Variants in PIKFYVE observed in about 807,000 individuals in gnomAD.
The protein encoded by PIKFYVE is phosphoinositide kinase, FYVE-type zinc finger containing, also known as 1-phosphatidylinositol 3-phosphate 5-kinase.
PIKFYVE carries 122 observed loss-of-function variants against 257.9 expected under a neutral mutation model. The ratio of observed to expected loss-of-function variants is 0.47; its 90% CI spans 0.41 to 0.55. PIKFYVE has a LOEUF of 0.55. PIKFYVE is among the 20% of genes least tolerant of loss of function. PIKFYVE has a pLI of 0.00. For missense variants in PIKFYVE, 2,160 were observed against 2,536.6 expected (o/e 0.85, Z 3.19); for synonymous variants, 892 against 868.9 (o/e 1.03, Z -0.47).
At position 208,302,389 on chromosome 2, in the gene PIKFYVE, C is replaced by G. The variant is rs750174122; in HGVS notation, c.1320+36C>G. 13 of 1,514,936 alleles carry G rather than the reference C, an allele frequency of 8.6e-6. No individual in the cohort carries two copies. The Admixed American group carries it at 1.8e-4, about 21-fold the overall frequency. The allele number at this position is 1,514,936 out of a possible 1,614,324, so 93.8% of individuals were successfully genotyped here. On this transcript the variant is annotated intron_variant, in intron 10 of 41. Coordinates refer to ENST00000264380, the MANE Select transcript of PIKFYVE (RefSeq NM_015040.4). ...GTGTTTACTGCCAATTAGAATGTAG[C>G]AAGCTTATTTTATAGTCTTTCTTCA... is the stretch of plus-strand genomic sequence containing the variant.
At chr2:208,274,809 TG>T (rs113401295) in intron 3 of PIKFYVE, among the ~76,000 whole-genome samples, 21,664 of 152,226 alleles carry the variant, frequency 0.14, 1,651 homozygotes, top group African/African-American at 0.18. Flanking sequence ...CTCTTGAATC[TG>T]ACTCACAACA....
chr2:208,357,215 G>A lies in PIKFYVE; in HGVS notation c.*1910G>A, dbSNP rs1700208348. On this transcript the variant is annotated 3_prime_UTR_variant, in exon 42 of 42. Transcript: ENST00000264380. ...ATGTGGAACATTATTAACTTACTTT[G>A]TGTCTAGGAACAATGGATTTTGTAT... The A allele has an allele frequency of 6.6e-6, 1 of 152,180 alleles. No homozygotes were observed. The highest frequency in any genetic ancestry group is 1.5e-5 in the Non-Finnish European group (1 of 68,020). The allele number at this position is 152,180 out of a possible 1,614,324, so 9.4% of individuals were successfully genotyped here. A position where few individuals can be genotyped will look rare whatever the true frequency, so the allele number is the denominator to read the frequency against.
At position 208,325,271 on chromosome 2, in the gene PIKFYVE, A is replaced by G; in HGVS notation, c.2460A>G (p.Glu820=). 1 of 1,613,554 alleles carries G rather than the reference A, an allele frequency of 6.2e-7. No homozygotes were observed. Among genetic ancestry groups the G allele is most frequent in the Non-Finnish European group, 8.5e-7 (1 of 1,179,744 alleles). The change falls in exon 20 of 42, where the codon GAA becomes GAG. Residue 820 remains glutamate, a splice_region_variant and synonymous_variant. Transcript: ENST00000264380. ...CTTTCTGTTTGTTTTTGTTTGTAGA[A>G]CAAACCAAGACACTGATGTTTTTTG... ...FYMQIFQLPN[E]QTKTLMFFEG... is the part of the protein sequence containing the mutation.
intron 12 of PIKFYVE, among the ~76,000 whole-genome samples, chr2:208,309,189 A>C (rs1314154881): frequency 2.0e-5 from 3 of 152,148 alleles, no homozygotes; most frequent in African/African-American, 7.2e-5. Flanking sequence ...TAGGTCCACA[A>C]ATAATTAAAA....
chr2:208,339,631 C>G (rs1698518615), intron 30 of PIKFYVE, 76 bp downstream of exon 30: 2 of 1,544,166 alleles, frequency 1.3e-6, no homozygotes. Flanking sequence ...ACATGAATTA[C>G]AGCCATTTCT....
chr2:208,351,704 T>G (rs879476982), intron 38 of PIKFYVE, among the ~76,000 whole-genome samples: 3 of 152,084 alleles, frequency 2.0e-5, no homozygotes, highest in Non-Finnish European at 4.4e-5. Context: ...GGAGCCAGCA[T>G]GTCACATGGT....
At chr2:208,347,479 A>G (rs1699336038) in intron 34 of PIKFYVE, among the ~76,000 whole-genome samples, 1 of 152,200 alleles carries the variant, frequency 6.6e-6, no homozygotes. Flanking sequence ...TTAGTTAACT[A>G]TATTGCAATA....
At position 208,298,726 on chromosome 2, in the gene PIKFYVE, A is replaced by G; in HGVS notation, c.997A>G (p.Asn333Asp). 6.2e-7 allele frequency: 1 copy of G among 1,614,174 alleles called. No homozygotes were observed. Among genetic ancestry groups the G allele is most frequent in the African/African-American group, 1.3e-5 (1 of 75,066 alleles). Residue 333 changes from asparagine (N) to aspartate (D), a missense_variant, in exon 8 of 42, where the codon AAC becomes GAC. Physicochemically the swap from Asn to Asp is conservative, Grantham distance 23. This residue lies in a region of PIKFYVE where 187 missense variants were observed against 185.6 expected (regional missense o/e 1.01). Coordinates refer to ENST00000264380, the MANE Select transcript of PIKFYVE (RefSeq NM_015040.4). Reference protein sequence around the residue: ...SYETSVSPQANRTYVRTETTE... With the variant: ...SYETSVSPQADRTYVRTETTE... ...TGAGACATCTGTCAGTCCCCAGGCT[A>G]ACCGAACATATGTTAGGACAGAGAC...
At chr2:208,309,352 A>T (rs561931662) in intron 12 of PIKFYVE, among the ~76,000 whole-genome samples, 2 of 152,314 alleles carry the variant, frequency 1.3e-5, no homozygotes, top group African/African-American at 4.8e-5. Context: ...TACTTTGGAG[A>T]AAGTCACTCT....
In PIKFYVE at chr2:208,355,253, A is replaced by G. The variant is rs572523068; in HGVS notation, c.6245A>G (p.Lys2082Arg). The change falls in exon 42 of 42, where the codon AAG (lysine) becomes AGG (arginine). Residue 2082 changes from lysine to arginine, a missense_variant. By Grantham distance (26) the Lys-to-Arg change is conservative (BLOSUM62 2). Coordinates refer to ENST00000264380, the MANE Select transcript of PIKFYVE (RefSeq NM_015040.4). ...ACTAGGTTTTGTGAGGCAATGGACA[A>G]GTATTTCCTAATGGTACCAGACCAC... ...YRTRFCEAMD[K>R]YFLMVPDHWT... 1.2e-6 allele frequency: 2 copies of G among 1,614,120 alleles called. No homozygotes were observed. Among genetic ancestry groups the G allele is most frequent in the Admixed American group, 1.7e-5 (1 of 60,028 alleles).
chr2:208,301,008 C>T lies in PIKFYVE; in HGVS notation c.1122C>T (p.His374=). Residue 374 remains histidine, a synonymous_variant, in exon 9 of 42, where the codon CAC becomes CAT. Coordinates refer to ENST00000264380, the MANE Select transcript of PIKFYVE (RefSeq NM_015040.4). ...GCAGTGGAATGGAGTTTCAGGATCA[C>T]CGCTACTGGTTGAGAACGCATCCCA... The part of the protein sequence containing the change: ...HHSSGMEFQD[H]RYWLRTHPNC... The T allele has an allele frequency of 6.2e-7, 1 of 1,614,122 alleles. No homozygotes were observed. The highest frequency in any genetic ancestry group is 8.5e-7 in the Non-Finnish European group (1 of 1,180,006).
chr2:208,278,749 T>TA (rs907737746), intron 5 of PIKFYVE, among the ~76,000 whole-genome samples: 1 of 152,206 alleles, frequency 6.6e-6, no homozygotes, highest in African/African-American at 2.4e-5. Context: ...GTTCTTTTTT[T>TA]ATGGCTGCAT....
At chr2:208,318,917 G>T (rs11692460) in intron 16 of PIKFYVE, among the ~76,000 whole-genome samples, 1 of 148,950 alleles carries the variant, frequency 6.7e-6, no homozygotes, top group African/African-American at 2.5e-5. Context: ...CGCCACTGCA[G>T]TGCAGTCTGG....
chr2:208,355,933 T>C lies in PIKFYVE; in HGVS notation c.*628T>C, dbSNP rs1700135049. ...GAGTATGTTTGATGTTTTTAAAATT[T>C]TGTCTTCTCTGTGGAAGACAGGAGG... On this transcript the variant is annotated 3_prime_UTR_variant, in exon 42 of 42. Transcript: ENST00000264380. The C allele has an allele frequency of 6.5e-6, 1 of 152,678 alleles. No individual in the cohort carries two copies. Among genetic ancestry groups the C allele is most frequent in the Admixed American group, 6.5e-5 (1 of 15,292 alleles). 9.5% of individuals were successfully genotyped at this position (152,678 alleles called of 1,614,324 possible).
intron 16 of PIKFYVE, among the ~76,000 whole-genome samples, chr2:208,319,508 T>G (rs1341194544): frequency 6.6e-6 from 1 of 152,200 alleles, no homozygotes; most frequent in Non-Finnish European, 1.5e-5. Context: ...TATGCATGAA[T>G]GACTGTCTTG....
chr2:208,302,807 C>A (rs1037072370), intron 10 of PIKFYVE, among the ~76,000 whole-genome samples: 1 of 152,012 alleles, frequency 6.6e-6, no homozygotes, highest in Admixed American at 6.6e-5. Context: ...TGGCTGGGTA[C>A]GGTGGCTCAC....
At chr2:208,337,814 C>T (rs929786747) in intron 28 of PIKFYVE, among the ~76,000 whole-genome samples, 3 of 152,018 alleles carry the variant, frequency 2.0e-5, no homozygotes, top group East Asian at 1.9e-4. Context: ...CTCTGCCTTC[C>T]GAGTTCAAGC....
rs188159110 is a variant in PIKFYVE, at chr2:208,303,307, A to G, written c.1321-864A>G. Among the ~76,000 whole-genome samples, 17 of 152,160 alleles carry G rather than the reference A, an allele frequency of 1.1e-4. No individual in the cohort carries two copies. The East Asian group carries it at 3.1e-3, about 28-fold the overall frequency. On this transcript the variant is annotated intron_variant, in intron 10 of 41. Transcript: ENST00000264380. ...CAGGCACACACACACACACATATAT[A>G]TATAGCTGACCGTTAAGAATTAGGG...
At chr2:208,346,007 T>TTG in intron 33 of PIKFYVE, 43 bp from the exon 34 acceptor site, 1 of 1,452,096 alleles carries the variant, frequency 6.9e-7, no homozygotes, top group South Asian at 1.2e-5. Context: ...TCTGTTTGAC[T>TTG]TGTATAAAAC....
Sources: allele counts gnomAD v4.1 joint callset (sites outside exome capture counted in the v4.1 genomes callset), GRCh38; gene constraint gnomAD v4.1.1; regional missense constraint gnomAD v4.1.1; transcripts MANE v1.5; gene names NCBI Gene and HGNC (gene_info 2026-07-23, HGNC 2026-07-21).